Variants in FCHSD2 observed in about 807,000 individuals in gnomAD.
The protein encoded by FCHSD2 is F-BAR and double SH3 domains protein 2.
In FCHSD2, 38 loss-of-function variants were observed where a neutral mutation model predicts 108.1. The observed-to-expected ratio is 0.35, with a 90% confidence interval of 0.27 to 0.46. FCHSD2 has a LOEUF of 0.46. Ranked by LOEUF, FCHSD2 falls within the 20% of genes least tolerant of loss-of-function variation. The probability of loss-of-function intolerance (pLI) is 1.00; values close to 1 mark genes in which losing one functional copy is unlikely to be tolerated. For synonymous variants in FCHSD2, 279 were observed against 314.7 expected (o/e 0.89, Z 1.20); for missense variants, 751 against 897.8 (o/e 0.84, Z 2.09).
chr11:73,033,435 A>G (rs1401944400), intron 3 of FCHSD2, among the ~76,000 whole-genome samples: 1 of 152,156 alleles, frequency 6.6e-6, no homozygotes, highest in Non-Finnish European at 1.5e-5. Flanking sequence ...AGAATTATGA[A>G]CAGAAGAGAC....
At chr11:73,090,219 C>CTTTTTTTTTT (rs59603567) in intron 2 of FCHSD2, among the ~76,000 whole-genome samples, 1 of 77,022 alleles carries the variant, frequency 1.3e-5, no homozygotes. Flanking sequence ...TACAATACTT[C>CTTTTTTTTTT]TTTTTTTTTT....
At chr11:72,924,314 A>G (rs906988379) in intron 8 of FCHSD2, among the ~76,000 whole-genome samples, 2 of 151,898 alleles carry the variant, frequency 1.3e-5, no homozygotes, top group East Asian at 1.9e-4. Context: ...GTCTTGCTCT[A>G]TTGCCCAGGC....
chr11:73,080,087 C>A (rs1052338885), intron 3 of FCHSD2, among the ~76,000 whole-genome samples: 2 of 151,796 alleles, frequency 1.3e-5, no homozygotes, highest in Middle Eastern at 3.4e-3. Flanking sequence ...TTACTTGAAC[C>A]CAGGAGTTCG....
chr11:73,066,513 G>T (rs187092924), intron 3 of FCHSD2, among the ~76,000 whole-genome samples: 1 of 152,066 alleles, frequency 6.6e-6, no homozygotes, highest in Non-Finnish European at 1.5e-5. Flanking sequence ...TTAAACTAAA[G>T]AGCTTTTGCA....
At chr11:72,970,613 G>C (rs150445293) in intron 8 of FCHSD2, among the ~76,000 whole-genome samples, 2 of 152,158 alleles carry the variant, frequency 1.3e-5, no homozygotes, top group African/African-American at 4.8e-5. Flanking sequence ...GGTTTCTTCT[G>C]TGCATTACTT....
chr11:72,927,873 C>G (rs943948508), intron 8 of FCHSD2, among the ~76,000 whole-genome samples: 1 of 152,200 alleles, frequency 6.6e-6, no homozygotes, highest in Non-Finnish European at 1.5e-5. Context: ...CGGGGAATCA[C>G]GCTCTACTTT....
intron 2 of FCHSD2, among the ~76,000 whole-genome samples, chr11:73,113,842 T>C (rs1440505372): frequency 1.3e-5 from 2 of 152,208 alleles, no homozygotes; most frequent in Non-Finnish European, 2.9e-5. Context: ...TGAAAACTTG[T>C]AGTGGTACTG....
intron 8 of FCHSD2, among the ~76,000 whole-genome samples, chr11:72,953,182 A>T (rs1856648995): frequency 6.6e-6 from 1 of 152,234 alleles, no homozygotes; most frequent in African/African-American, 2.4e-5. Flanking sequence ...GTTAGAGAAG[A>T]GGAACATTCT....
chr11:72,917,554 T>C (rs867914910), intron 9 of FCHSD2, among the ~76,000 whole-genome samples: 21 of 152,304 alleles, frequency 1.4e-4, no homozygotes, highest in Middle Eastern at 6.8e-3. Context: ...TTTTCAATAT[T>C]GTTTAAACTA....
At chr11:72,842,260 G>C (rs1370774197) in intron 17 of FCHSD2, among the ~76,000 whole-genome samples, 1 of 152,232 alleles carries the variant, frequency 6.6e-6, no homozygotes, top group African/African-American at 2.4e-5. Context: ...GGGAGAGAGA[G>C]AGCCAGCTAA....
chr11:72,972,556 A>G (rs1857027105), intron 8 of FCHSD2, among the ~76,000 whole-genome samples: 1 of 152,242 alleles, frequency 6.6e-6, no homozygotes, highest in South Asian at 2.1e-4. Context: ...TTATATATAA[A>G]GATTCCATGT....
intron 8 of FCHSD2, among the ~76,000 whole-genome samples, chr11:72,967,268 G>A (rs1856927414): frequency 6.6e-6 from 1 of 151,656 alleles, no homozygotes; most frequent in Non-Finnish European, 1.5e-5. Flanking sequence ...TAGGCAGTAA[G>A]AGCAATATGT....
intron 2 of FCHSD2, among the ~76,000 whole-genome samples, chr11:73,126,339 T>TTA (rs71469449): frequency 1.1e-4 from 3 of 27,658 alleles, no homozygotes; most frequent in East Asian, 3.8e-3. Flanking sequence ...GATTCCATCT[T>TTA]AAAAAAAAAA....
At chr11:72,875,797 A>C (rs972601168) in intron 12 of FCHSD2, among the ~76,000 whole-genome samples, 1 of 152,192 alleles carries the variant, frequency 6.6e-6, no homozygotes, top group Admixed American at 6.5e-5. Flanking sequence ...TGCTTTGGCT[A>C]GTGGGGCATT....
At chr11:72,885,457 T>C (rs562466244) in intron 12 of FCHSD2, among the ~76,000 whole-genome samples, 30 of 152,252 alleles carry the variant, frequency 2.0e-4, no homozygotes, top group African/African-American at 7.2e-4. Context: ...ACAAACACAG[T>C]CTAGTTTGGC....
intron 2 of FCHSD2, among the ~76,000 whole-genome samples, chr11:73,131,243 C>T (rs762863716): frequency 6.6e-6 from 1 of 151,584 alleles, no homozygotes; most frequent in East Asian, 1.9e-4. Flanking sequence ...TTAGGCCGGG[C>T]GCAGTGGTTC....
intron 14 of FCHSD2, among the ~76,000 whole-genome samples, chr11:72,848,392 T>C (rs1053119500): frequency 1.3e-4 from 20 of 152,198 alleles, no homozygotes; most frequent in Non-Finnish European, 2.8e-4. Flanking sequence ...TCTCCCTACC[T>C]TCTCACTGCA....
chr11:73,027,189 CTGT>C (rs1235846739), intron 3 of FCHSD2, among the ~76,000 whole-genome samples: 2 of 152,056 alleles, frequency 1.3e-5, no homozygotes, highest in African/African-American at 2.4e-5. Flanking sequence ...TCCTAGAGAC[CTGT>C]TGAATGGTTT....
At chr11:72,861,817 G>A (rs368296357) in intron 13 of FCHSD2, among the ~76,000 whole-genome samples, 8 of 151,874 alleles carry the variant, frequency 5.3e-5, no homozygotes, top group African/African-American at 1.9e-4. Flanking sequence ...TATAATCCCA[G>A]CTACTTGGGA....
Sources: allele counts gnomAD v4.1 joint callset (sites outside exome capture counted in the v4.1 genomes callset), GRCh38; gene constraint gnomAD v4.1.1; transcripts MANE v1.5; gene names NCBI Gene and HGNC (gene_info 2026-07-23, HGNC 2026-07-21).